The following DCC variants were observed in gnomAD, a reference collection of about 807,000 sequenced individuals.
The protein encoded by DCC is DCC netrin 1 receptor.
Under a neutral mutation model 172.5 loss-of-function variants are expected in DCC, and 58 were observed. The observed-to-expected ratio is 0.34, with a 90% CI of 0.27 to 0.42. The LOEUF (loss-of-function observed/expected upper bound fraction) is 0.42. Ranked by LOEUF, DCC falls within the 10% of genes least tolerant of loss-of-function variation. DCC has a pLI of 1.00. For missense variants in DCC, 1,740 were observed against 1,791.0 expected, an observed-to-expected ratio of 0.97 and a Z score of 0.51; for synonymous variants, 709 against 644.5, an observed-to-expected ratio of 1.10 and a Z score of -1.52.
At chr18:52,627,713 G>A (rs986832898) in intron 1 of DCC, among the ~76,000 whole-genome samples, 2 of 152,182 alleles carry the variant, frequency 1.3e-5, no homozygotes, top group East Asian at 1.9e-4. Context: ...GACAACTCTC[G>A]CTTTGGAGTG....
At chr18:52,437,312 T>G (rs557348325) in intron 1 of DCC, among the ~76,000 whole-genome samples, 1 of 152,190 alleles carries the variant, frequency 6.6e-6, no homozygotes, top group South Asian at 2.1e-4. Context: ...TTTATAGTCA[T>G]GTGGCAGAAA....
intron 1 of DCC, among the ~76,000 whole-genome samples, chr18:52,647,522 A>G (rs2035041594): frequency 6.6e-6 from 1 of 152,120 alleles, no homozygotes; most frequent in African/African-American, 2.4e-5. Flanking sequence ...AAATCCTTTG[A>G]GTAAGTCTGG....
intron 7 of DCC, among the ~76,000 whole-genome samples, chr18:53,140,422 G>A (rs560784581): frequency 1.3e-5 from 2 of 152,238 alleles, no homozygotes; most frequent in East Asian, 1.9e-4. Flanking sequence ...AGGAAATTGA[G>A]AGCAGAATAA....
intron 15 of DCC, among the ~76,000 whole-genome samples, chr18:53,366,375 C>T (rs112035724): frequency 6.6e-6 from 1 of 151,972 alleles, no homozygotes; most frequent in East Asian, 1.9e-4. Flanking sequence ...ATTTTTTTAC[C>T]TTTAAATTTC....
intron 1 of DCC, among the ~76,000 whole-genome samples, chr18:52,460,506 C>G (rs1385966007): frequency 6.6e-6 from 1 of 152,090 alleles, no homozygotes; most frequent in Non-Finnish European, 1.5e-5. Flanking sequence ...TGATCTCTAA[C>G]ATAATGTAGT....
At chr18:53,511,608 G>A (rs540470952) in intron 27 of DCC, among the ~76,000 whole-genome samples, 74 of 152,316 alleles carry the variant, frequency 4.9e-4, no homozygotes, top group African/African-American at 1.5e-3. Flanking sequence ...TGCGCACACC[G>A]TGCGCGAGCC....
At chr18:53,402,231 A>C (rs565537292) in intron 18 of DCC, among the ~76,000 whole-genome samples, 28 of 152,156 alleles carry the variant, frequency 1.8e-4, no homozygotes, top group African/African-American at 6.7e-4. Context: ...CAAAAATCAA[A>C]ATTAAAATTA....
At chr18:53,166,780 AAG>A (rs2054928853) in intron 8 of DCC, among the ~76,000 whole-genome samples, 1 of 152,190 alleles carries the variant, frequency 6.6e-6, no homozygotes, top group Non-Finnish European at 1.5e-5. Flanking sequence ...GTAAACAAAA[AAG>A]AGACATTTCC....
At chr18:53,500,961 GA>G (rs1224296875) in intron 27 of DCC, among the ~76,000 whole-genome samples, 1 of 152,088 alleles carries the variant, frequency 6.6e-6, no homozygotes, top group Non-Finnish European at 1.5e-5. Context: ...CCAAAACTAT[GA>G]AGTCTTTGAT....
At chr18:53,321,682 A>G (rs1315129333) in intron 13 of DCC, among the ~76,000 whole-genome samples, 1 of 152,186 alleles carries the variant, frequency 6.6e-6, no homozygotes, top group Non-Finnish European at 1.5e-5. Context: ...GGAGACATAA[A>G]TTTTTAGATT....
chr18:52,621,009 G>C (rs2034469871), intron 1 of DCC, among the ~76,000 whole-genome samples: 1 of 152,202 alleles, frequency 6.6e-6, no homozygotes, highest in South Asian at 2.1e-4. Flanking sequence ...GGAGAAGCCT[G>C]GGTGAGGGGA....
At chr18:53,468,982 AT>A (rs2045662277) in intron 25 of DCC, among the ~76,000 whole-genome samples, 1 of 152,114 alleles carries the variant, frequency 6.6e-6, no homozygotes, top group East Asian at 1.9e-4. Flanking sequence ...CAATTCATAA[AT>A]TCCATGTCAC....
At chr18:53,186,640 A>G (rs2144500822) in intron 9 of DCC, among the ~76,000 whole-genome samples, 1 of 152,352 alleles carries the variant, frequency 6.6e-6, no homozygotes. Flanking sequence ...GTATTTACTG[A>G]GCACCAACTA....
At chr18:53,455,894 T>TGG (rs1397109405) in intron 23 of DCC, among the ~76,000 whole-genome samples, 2 of 152,256 alleles carry the variant, frequency 1.3e-5, no homozygotes, top group Non-Finnish European at 2.9e-5. Flanking sequence ...TTTACATTTG[T>TGG]AGTACTTAGC....
At chr18:52,702,954 T>C (rs976954665) in intron 1 of DCC, among the ~76,000 whole-genome samples, 4 of 152,168 alleles carry the variant, frequency 2.6e-5, no homozygotes, top group Admixed American at 2.0e-4. Flanking sequence ...AACTTAACTT[T>C]CTGCCTATTT....
intron 2 of DCC, among the ~76,000 whole-genome samples, chr18:52,841,061 T>A (rs1444329144): frequency 6.6e-6 from 1 of 152,184 alleles, no homozygotes; most frequent in African/African-American, 2.4e-5. Flanking sequence ...GGCATTCAGG[T>A]TGAGACTTGA....
intron 1 of DCC, among the ~76,000 whole-genome samples, chr18:52,459,166 A>G (rs540898424): frequency 5.3e-5 from 8 of 152,112 alleles, no homozygotes; most frequent in Admixed American, 5.2e-4. Context: ...CCTTTATACT[A>G]GATCGTTGTC....
intron 27 of DCC, among the ~76,000 whole-genome samples, chr18:53,519,415 G>T (rs2046374465): frequency 6.6e-6 from 1 of 151,928 alleles, no homozygotes; most frequent in African/African-American, 2.4e-5. Flanking sequence ...CATCTTTCAA[G>T]GCCTATTTGC....
intron 2 of DCC, among the ~76,000 whole-genome samples, chr18:52,837,491 G>T (rs1338410980): frequency 6.6e-6 from 1 of 152,160 alleles, no homozygotes; most frequent in Non-Finnish European, 1.5e-5. Context: ...GGGACAAAAT[G>T]CCACCAGTCT....
Sources: allele counts gnomAD v4.1 joint callset (sites outside exome capture counted in the v4.1 genomes callset), GRCh38; gene constraint gnomAD v4.1.1; transcripts MANE v1.5; gene names NCBI Gene and HGNC (gene_info 2026-07-23, HGNC 2026-07-21).